SCAI: variants seen among roughly 807,000 people sequenced by gnomAD.
SCAI encodes protein SCAI.
Under a neutral mutation model 92.2 loss-of-function variants are expected in SCAI, and 24 were observed. The observed-to-expected ratio is 0.26, with a 90% CI of 0.19 to 0.37. SCAI has a LOEUF of 0.37. Among genes scored for constraint, SCAI ranks in the 10% least tolerant of loss-of-function variants. The pLI is 1.00. For missense variants in SCAI, 450 were observed against 736.2 expected (o/e 0.61, Z 4.50); for synonymous variants, 261 against 258.6 (o/e 1.01, Z -0.09).
chr9:124,978,810 A>G (rs1458155217), intron 14 of SCAI, among the ~76,000 whole-genome samples: 1 of 152,210 alleles, frequency 6.6e-6, no homozygotes, highest in South Asian at 2.1e-4. Context: ...ATAAACAGCT[A>G]TAAAAAAGAA....
chr9:125,003,461 G>A lies in SCAI; in HGVS notation c.963+8C>T, dbSNP rs760127555. 3.2e-6 allele frequency: 5 copies of A among 1,580,790 alleles called. No homozygotes were observed. The highest frequency in any genetic ancestry group is 3.3e-5 in the Admixed American group (2 of 59,906). ...TACCAAACTTGCAAATGTAAAAGAG[G>A]AGATTACCTGCATTCCTGGTTTATT... On this transcript the variant is annotated splice_region_variant and intron_variant, in intron 10 of 17. Coordinates refer to ENST00000336505, the MANE Select transcript of SCAI (RefSeq NM_001144877.3).
intron 6 of SCAI, among the ~76,000 whole-genome samples, chr9:125,022,649 C>T (rs1832893412): frequency 6.6e-6 from 1 of 152,062 alleles, no homozygotes; most frequent in Non-Finnish European, 1.5e-5. Flanking sequence ...AACTCCTGGC[C>T]GCAAGCAATC....
At chr9:125,036,409 T>C (rs1175012990) in intron 3 of SCAI, among the ~76,000 whole-genome samples, 1 of 152,056 alleles carries the variant, frequency 6.6e-6, no homozygotes, top group East Asian at 1.9e-4. Context: ...AATGTATAAA[T>C]TAATAAACGA....
At chr9:125,024,496 C>T (rs1277809361) in intron 6 of SCAI, among the ~76,000 whole-genome samples, 2 of 152,046 alleles carry the variant, frequency 1.3e-5, no homozygotes, top group Admixed American at 6.5e-5. Flanking sequence ...AGGATGGTCT[C>T]GATCTCCTGA....
At chr9:125,027,508 C>CTTTTCTT (rs1832986360) in intron 5 of SCAI, among the ~76,000 whole-genome samples, 1 of 151,970 alleles carries the variant, frequency 6.6e-6, no homozygotes, top group Non-Finnish European at 1.5e-5. Context: ...CTTTTCTTTT[C>CTTTTCTT]TTTTCTTTTT....
chr9:125,077,234 A>C (rs907778676), intron 2 of SCAI, among the ~76,000 whole-genome samples: 3 of 152,244 alleles, frequency 2.0e-5, no homozygotes, highest in African/African-American at 7.2e-5. Context: ...GAAAAGAATA[A>C]ACTTTTCCTC....
At chr9:125,101,304 G>A (rs1005754120) in intron 2 of SCAI, among the ~76,000 whole-genome samples, 1 of 152,216 alleles carries the variant, frequency 6.6e-6, no homozygotes, top group Non-Finnish European at 1.5e-5. Flanking sequence ...TGGGAGACAA[G>A]AACGGAAGCA....
intron 13 of SCAI, among the ~76,000 whole-genome samples, chr9:124,996,635 A>T (rs1025228905): frequency 5.3e-5 from 8 of 150,110 alleles, no homozygotes; most frequent in Non-Finnish European, 3.0e-5. Flanking sequence ...ATTTTTTTTT[A>T]TTTATTTATT....
At chr9:124,953,132 C>G (rs1016974294) in intron 17 of SCAI, among the ~76,000 whole-genome samples, 179 bp from the exon 18 acceptor site, 1 of 152,060 alleles carries the variant, frequency 6.6e-6, no homozygotes, top group African/African-American at 2.4e-5. Flanking sequence ...CTAAAAATGA[C>G]AGTTTCAGAT....
At chr9:125,003,627 A>G in intron 9 of SCAI, 57 bp from the exon 10 acceptor site, 1 of 1,087,614 alleles carries the variant, frequency 9.2e-7, no homozygotes, top group South Asian at 1.3e-5. Context: ...GCAGACTTTA[A>G]AGACTTTTAT....
chr9:124,963,229 C>G (rs1376588538), intron 17 of SCAI, among the ~76,000 whole-genome samples: 1 of 151,674 alleles, frequency 6.6e-6, no homozygotes, highest in Non-Finnish European at 1.5e-5. Context: ...CTCTGCCTCC[C>G]AGGTTCAAGC....
At chr9:125,057,584 G>A (rs1833694645) in intron 2 of SCAI, among the ~76,000 whole-genome samples, 1 of 152,168 alleles carries the variant, frequency 6.6e-6, no homozygotes, top group Non-Finnish European at 1.5e-5. Context: ...CCACATCACA[G>A]GGTACCTGCA....
At chr9:124,975,590 T>C (rs1464384622) in intron 15 of SCAI, among the ~76,000 whole-genome samples, 1 of 152,226 alleles carries the variant, frequency 6.6e-6, no homozygotes, top group Non-Finnish European at 1.5e-5. Flanking sequence ...CCTGTCTCTC[T>C]GGCAGACTTA....
At chr9:125,098,111 G>A (rs1452493910) in intron 2 of SCAI, among the ~76,000 whole-genome samples, 5 of 151,948 alleles carry the variant, frequency 3.3e-5, no homozygotes, top group African/African-American at 1.2e-4. Flanking sequence ...CTAGGGTACA[G>A]TGGCACAATC....
chr9:125,040,692 T>A (rs1236314758), intron 3 of SCAI, among the ~76,000 whole-genome samples: 2 of 152,142 alleles, frequency 1.3e-5, no homozygotes. Context: ...AGTGGCACGA[T>A]CTTGGCTCAC....
intron 14 of SCAI, among the ~76,000 whole-genome samples, chr9:124,986,838 C>G (rs1194743508): frequency 2.6e-5 from 4 of 152,144 alleles, no homozygotes; most frequent in Non-Finnish European, 5.9e-5. Flanking sequence ...TTGTGAATGC[C>G]TTAAGAAACT....
At position 124,971,489 on chromosome 9, in the gene SCAI, T is replaced by G. The variant is rs779926449; in HGVS notation, c.1574-19A>C. 2 of 1,572,736 alleles carry G rather than the reference T, an allele frequency of 1.3e-6. No homozygotes were observed. Among genetic ancestry groups the G allele is most frequent in the African/African-American group, 2.7e-5 (2 of 73,608 alleles). On this transcript the variant is annotated intron_variant, in intron 16 of 17. Transcript: ENST00000336505. ...GCCTGATCTGCAAAGAGGAGAAAAG[T>G]GACAGTAAAAAGATGCTTAAATGGA...
intron 14 of SCAI, among the ~76,000 whole-genome samples, chr9:124,986,436 G>T (rs1336361945): frequency 2.0e-5 from 3 of 152,172 alleles, no homozygotes; most frequent in African/African-American, 4.8e-5. Flanking sequence ...GAAAATTTTT[G>T]AACTAAGAGC....
chr9:125,005,155 C>T (rs1832477499), intron 9 of SCAI, among the ~76,000 whole-genome samples: 1 of 151,884 alleles, frequency 6.6e-6, no homozygotes, highest in Admixed American at 6.6e-5. Flanking sequence ...AGTCTATATC[C>T]TTTTCCAATT....
Sources: gnomAD v4.1 joint callset for allele counts (sites outside exome capture counted in the v4.1 genomes callset) on GRCh38, gnomAD v4.1.1 for gene constraint, MANE v1.5 for transcripts, NCBI Gene and HGNC (gene_info 2026-07-23, HGNC 2026-07-21) for gene names.